TMEM114: variants seen among roughly 807,000 people sequenced by gnomAD.
TMEM114 encodes the protein claudin-26.
In TMEM114, 6 loss-of-function variants were observed where a neutral mutation model predicts 6.2. The ratio of observed to expected loss-of-function variants is 0.97; its 90% CI spans 0.53 to 1.91. The LOEUF is 1.91. TMEM114 is among the 40% of genes most tolerant of loss of function. TMEM114 has a pLI of 0.01. For missense variants in TMEM114, 218 were observed against 158.3 expected (o/e 1.38, Z -2.02); for synonymous variants, 104 against 73.0 (o/e 1.42, Z -2.16).
chr16:8,547,789 G>A (rs1386876027), intron 2 of TMEM114, among the ~76,000 whole-genome samples: 4 of 152,118 alleles, frequency 2.6e-5, no homozygotes, highest in Admixed American at 6.5e-5. Flanking sequence ...GGGGAAGTGC[G>A]GACCACAGTC....
At position 8,569,756 on chromosome 16, in the gene TMEM114, CGACCCAGCGCCCA is replaced by C; in HGVS notation, c.*4_*16del. On this transcript the variant is annotated 3_prime_UTR_variant, in exon 4 of 4. Transcript: ENST00000620492. ...GGGCCAAGCCCCTCCCTCCCCTCCACGACCCAGCGCCCAGGCTCATATGGCCTGGTCCTGCCTC... is the reference window on the plus strand; with the variant it reads ...GGGCCAAGCCCCTCCCTCCCCTCCACGGCTCATATGGCCTGGTCCTGCCTC... 6.5e-7 allele frequency: 1 copy of C among 1,540,042 alleles called. No individual in the cohort carries two copies. Among genetic ancestry groups the C allele is most frequent in the South Asian group, 1.2e-5 (1 of 83,676 alleles).
intron 2 of TMEM114, among the ~76,000 whole-genome samples, chr16:8,555,521 G>C (rs1025425958): frequency 2.0e-5 from 3 of 152,206 alleles, no homozygotes; most frequent in Non-Finnish European, 4.4e-5. Context: ...TAATTTCTGG[G>C]TGTTGTCATG....
chr16:8,548,779 A>G (rs1317012673), intron 2 of TMEM114, among the ~76,000 whole-genome samples: 1 of 151,402 alleles, frequency 6.6e-6, no homozygotes, highest in Non-Finnish European at 1.5e-5. Flanking sequence ...CATGTGAAAT[A>G]TTTCAATTTT....
chr16:8,575,553 A>G (rs1390806254), intron 2 of TMEM114, among the ~76,000 whole-genome samples: 1 of 152,208 alleles, frequency 6.6e-6, no homozygotes, highest in African/African-American at 2.4e-5. Flanking sequence ...TCAGTAAACA[A>G]TGATGCAACA....
intron 2 of TMEM114, among the ~76,000 whole-genome samples, chr16:8,586,691 G>A (rs970037880): frequency 5.3e-5 from 8 of 152,038 alleles, no homozygotes; most frequent in African/African-American, 1.9e-4. Flanking sequence ...TGTATTTTTA[G>A]TAGAGATGGG....
At chr16:8,584,064 T>C (rs1230704369) in intron 2 of TMEM114, among the ~76,000 whole-genome samples, 1 of 152,210 alleles carries the variant, frequency 6.6e-6, no homozygotes, top group Non-Finnish European at 1.5e-5. Context: ...GTGGAATTCA[T>C]GAGAAACAGA....
At chr16:8,557,598 C>T (rs749898242) in intron 2 of TMEM114, among the ~76,000 whole-genome samples, 15 of 152,286 alleles carry the variant, frequency 9.8e-5, no homozygotes, top group Non-Finnish European at 2.1e-4. Context: ...TAGGCAGCTA[C>T]GAAGAAATGT....
At chr16:8,533,902 G>A (rs1039578760), downstream of TMEM114, among the ~76,000 whole-genome samples, 8 of 152,276 alleles carry the variant, frequency 5.3e-5, no homozygotes, top group South Asian at 2.1e-4. Flanking sequence ...GGAGAAGGAT[G>A]CAATCAGGCA....
chr16:8,527,971 G>A, the TMEM114 span, among the ~76,000 whole-genome samples: 189 of 152,190 alleles, frequency 1.2e-3, no homozygotes, highest in African/African-American at 2.9e-3. Context: ...GCAGTGGTGC[G>A]ATCTCAGCTC....
At chr16:8,572,418 G>C in intron 2 of TMEM114, 194 bp from the exon 3 acceptor site, 2 of 645,262 alleles carry the variant, frequency 3.1e-6, no homozygotes, top group South Asian at 3.7e-5. Flanking sequence ...CTCGTGCAAG[G>C]CTGTGTGCTT....
chr16:8,535,724 T>A (rs149188155), downstream of TMEM114, among the ~76,000 whole-genome samples: 3 of 152,302 alleles, frequency 2.0e-5, no homozygotes, highest in East Asian at 3.9e-4. Flanking sequence ...GGTTCCTGCA[T>A]AATTCTCATC....
At position 8,589,238 on chromosome 16, in the gene TMEM114, G is replaced by T; in HGVS notation, c.276C>A (p.Val92=). The T allele has an allele frequency of 2.5e-6, 1 of 398,962 alleles. No individual in the cohort carries two copies. 24.7% of individuals were successfully genotyped at this position (398,962 alleles called of 1,614,324 possible). A position where few individuals can be genotyped will look rare whatever the true frequency, so the allele number is the denominator to read the frequency against. The part of the protein sequence containing the change: ...MNPFRLENVT[V]SESSRQLLTM... ...TGAGAAGTTGCCGGCTCGATTCGCT[G>T]ACTGTCACGTTCTCCAGCCTGAAGG... Residue 92 remains valine (V), a synonymous_variant, in exon 2 of 4, where the codon GTC becomes GTA. Coordinates refer to ENST00000620492, the MANE Select transcript of TMEM114 (RefSeq NM_001146336.2).
intron 2 of TMEM114, among the ~76,000 whole-genome samples, chr16:8,540,157 A>T (rs574107992): frequency 2.6e-5 from 4 of 152,230 alleles, no homozygotes; most frequent in Non-Finnish European, 4.4e-5. Context: ...GAATGTATTT[A>T]TTCATTCAAA....
At chr16:8,548,280 A>G (rs1900735110) in intron 2 of TMEM114, among the ~76,000 whole-genome samples, 1 of 152,126 alleles carries the variant, frequency 6.6e-6, no homozygotes, top group African/African-American at 2.4e-5. Flanking sequence ...TTGCTGTGAA[A>G]TGATTCATTT....
At chr16:8,552,939 G>A (rs7201752) in intron 2 of TMEM114, among the ~76,000 whole-genome samples, 1 of 152,248 alleles carries the variant, frequency 6.6e-6, no homozygotes, top group African/African-American at 2.4e-5. Context: ...TACCACTTAA[G>A]CTGCCTGTAT....
intron 2 of TMEM114, among the ~76,000 whole-genome samples, chr16:8,587,989 A>G (rs982952080): frequency 2.4e-4 from 37 of 151,936 alleles, no homozygotes; most frequent in African/African-American, 8.5e-4. Flanking sequence ...TCCTATCACT[A>G]TTAAAAAAAA....
intron 2 of TMEM114, among the ~76,000 whole-genome samples, chr16:8,550,731 C>G (rs1037460036): frequency 6.6e-6 from 1 of 151,416 alleles, no homozygotes; most frequent in East Asian, 1.9e-4. Flanking sequence ...CAAACAAACA[C>G]TGGTCCCTCC....
At chr16:8,549,966 G>A (rs1222327274) in intron 2 of TMEM114, among the ~76,000 whole-genome samples, 1 of 152,166 alleles carries the variant, frequency 6.6e-6, no homozygotes, top group East Asian at 1.9e-4. Flanking sequence ...CAAAACCAGG[G>A]AAGCCGACAG....
In TMEM114 at chr16:8,569,979, C is replaced by G; in HGVS notation, c.466G>C (p.Val156Leu). Residue 156 changes from valine to leucine, a missense_variant, in exon 4 of 4, where the codon GTC becomes CTC. Transcript: ENST00000620492. ...GCGGCGGCTGAATACGCTATGTAGA[C>G]GCTGATCCCAGCGAGGGTCACCATG... ...GAMVTLAGIS[V>L]YIAYSAAAFR... The G allele has an allele frequency of 1.3e-6, 2 of 1,550,662 alleles. No homozygotes were observed. Among genetic ancestry groups the G allele is most frequent in the Non-Finnish European group, 1.7e-6 (2 of 1,146,760 alleles).
Sources: gnomAD v4.1 joint callset for allele counts (sites outside exome capture counted in the v4.1 genomes callset) on GRCh38, gnomAD v4.1.1 for gene constraint, MANE v1.5 for transcripts, NCBI Gene and HGNC (gene_info 2026-07-23, HGNC 2026-07-21) for gene names.